ABHD6: variants seen among roughly 807,000 people sequenced by gnomAD.
ABHD6 encodes monoacylglycerol lipase ABHD6.
ABHD6 carries 33 observed loss-of-function variants against 38.8 expected under a neutral mutation model. That is an observed-to-expected ratio of 0.85 (90% CI 0.64 to 1.14). The LOEUF (loss-of-function observed/expected upper bound fraction) is 1.14, where lower values mean the gene tolerates loss of function less well. Ranked by LOEUF, ABHD6 falls within the 50% of genes most tolerant of loss-of-function variation. The probability of loss-of-function intolerance (pLI) is 0.00; values close to 1 mark genes in which losing one functional copy is unlikely to be tolerated. For missense variants in ABHD6, 380 were observed against 422.6 expected, an observed-to-expected ratio of 0.90 and a Z score of 0.88; for synonymous variants, 147 against 161.6, an observed-to-expected ratio of 0.91 and a Z score of 0.69.
chr3:58,239,582 C>T (rs1444139229), intron 1 of ABHD6, among the ~76,000 whole-genome samples: 2 of 152,106 alleles, frequency 1.3e-5, no homozygotes, highest in Admixed American at 6.5e-5. Context: ...TCCAAATTAT[C>T]CATTGTCTTT....
chr3:58,239,509 T>C (rs1463664074), intron 1 of ABHD6, among the ~76,000 whole-genome samples: 2 of 152,204 alleles, frequency 1.3e-5, no homozygotes, highest in African/African-American at 4.8e-5. Context: ...ACTTTCTCTA[T>C]TTTCATCTTT....
rs1177356504 is a variant in ABHD6 at position 58,266,108 on chromosome 3, C to T, written c.120-1081C>T. ...TTAAGCTAGCCAATGCTATTATGTT[C>T]TTTACGTTTTGAGTAGGCAATGCAG... On this transcript the variant is annotated intron_variant, in intron 3 of 9. Transcript: ENST00000478253. The surrounding 1 kb of genome is among the most constrained non-coding windows in gnomAD (Gnocchi z 4.0). Among the ~76,000 whole-genome samples, 2 of 152,174 alleles carry T rather than the reference C, an allele frequency of 1.3e-5. No homozygotes were observed. The highest frequency in any genetic ancestry group is 2.9e-5 in the Non-Finnish European group (2 of 68,022).
At chr3:58,274,093 G>C (rs1489359815) in intron 6 of ABHD6, among the ~76,000 whole-genome samples, 2 of 152,096 alleles carry the variant, frequency 1.3e-5, no homozygotes, top group Non-Finnish European at 2.9e-5. Context: ...AAGGCAGCAG[G>C]GTTGCTGCCC....
intron 7 of ABHD6, among the ~76,000 whole-genome samples, chr3:58,280,236 T>C (rs2097452102): frequency 6.6e-6 from 1 of 152,222 alleles, no homozygotes; most frequent in Non-Finnish European, 1.5e-5. Flanking sequence ...CAGTCAAACA[T>C]AGATTTGGTA....
rs1332472191 is a variant in ABHD6 at position 58,237,792 on chromosome 3, G to A, written c.-215G>A. The A allele has an allele frequency of 6.6e-6, 1 of 152,070 alleles. No homozygotes were observed. Among genetic ancestry groups the A allele is most frequent in the Non-Finnish European group, 1.5e-5 (1 of 67,986 alleles). 9.4% of individuals were successfully genotyped at this position (152,070 alleles called of 1,614,324 possible). A position where few individuals can be genotyped will look rare whatever the true frequency, so the allele number is the denominator to read the frequency against. ...CGCTGCGCCTTTAAGGAGTCCAGCT[G>A]GGCTGGGCGCCGGAGCTGGGAGCGG... On this transcript the variant is annotated 5_prime_UTR_variant, in exon 1 of 10. Coordinates refer to ENST00000478253, the MANE Select transcript of ABHD6 (RefSeq NM_001320126.2).
rs1357351304 is a variant in ABHD6 at position 58,287,095 on chromosome 3, A to G, written c.837+1642A>G. Among the ~76,000 whole-genome samples the G allele has an allele frequency of 6.6e-6, 1 of 151,022 alleles. No individual in the cohort carries two copies. The highest frequency in any genetic ancestry group is 6.6e-5 in the Admixed American group (1 of 15,116). On this transcript the variant is annotated intron_variant, in intron 9 of 9. Coordinates refer to ENST00000478253, the MANE Select transcript of ABHD6 (RefSeq NM_001320126.2). This position sits in a 1 kb window ranked among gnomAD's most constrained non-coding sequence, Gnocchi z 4.7. The stretch of plus-strand genomic sequence containing the variant: ...AGTTTGAGACCAACCTGGGCAGCAT[A>G]GTGAGATCCCATCTCTATAAAAAAT...
intron 6 of ABHD6, among the ~76,000 whole-genome samples, chr3:58,272,255 A>G (rs2097445571): frequency 6.6e-6 from 1 of 152,202 alleles, no homozygotes; most frequent in Admixed American, 6.5e-5. Flanking sequence ...ACGTTGAGGC[A>G]CAGAGAAATT....
chr3:58,249,205 C>T (rs1321023199), intron 1 of ABHD6, among the ~76,000 whole-genome samples: 2 of 152,194 alleles, frequency 1.3e-5, no homozygotes, highest in African/African-American at 4.8e-5. Context: ...GTTATGGCCT[C>T]TGGATGTTAG....
chr3:58,293,222 CT>C lies in ABHD6; in HGVS notation c.838-366del, dbSNP rs2097464571. The stretch of plus-strand genomic sequence containing the variant: ...TCCCACATCCGTGAATGCTCCTCCC[CT>C]GTCCCCTTTCTGCTCTCCCGGGACT... On this transcript the variant is annotated intron_variant, in intron 9 of 9. Coordinates refer to ENST00000478253, the MANE Select transcript of ABHD6 (RefSeq NM_001320126.2). This position sits in a 1 kb window ranked among gnomAD's most constrained non-coding sequence, Gnocchi z 4.4. Among the ~76,000 whole-genome samples, 1 of 152,190 alleles carries C rather than the reference CT, an allele frequency of 6.6e-6. No individual in the cohort carries two copies. The highest frequency in any genetic ancestry group is 2.1e-4 in the South Asian group (1 of 4,834).
intron 3 of ABHD6, among the ~76,000 whole-genome samples, chr3:58,262,539 A>T (rs1357836879): frequency 2.0e-5 from 3 of 152,206 alleles, no homozygotes; most frequent in African/African-American, 4.8e-5. Context: ...TTGTACTGAG[A>T]TTGTAAAAGA....
rs1553718601 is a variant in ABHD6 at position 58,256,096 on chromosome 3, C to CACACACAGAG, written c.-25-459_-25-458insGAGACACACA. On this transcript the variant is annotated intron_variant, in intron 2 of 9. Coordinates refer to ENST00000478253, the MANE Select transcript of ABHD6 (RefSeq NM_001320126.2). The surrounding 1 kb of genome is among the most constrained non-coding windows in gnomAD (Gnocchi z 4.3). ...CCACCAACACACACACACACACACA[C>CACACACAGAG]ACACACACACACATACACACACTAC... Among the ~76,000 whole-genome samples, 1 of 147,438 alleles carries CACACACAGAG rather than the reference C, an allele frequency of 6.8e-6. No homozygotes were observed. The highest frequency in any genetic ancestry group is 2.5e-5 in the African/African-American group (1 of 40,488).
intron 2 of ABHD6, among the ~76,000 whole-genome samples, chr3:58,255,580 C>T (rs2097432689): frequency 6.6e-6 from 1 of 152,016 alleles, no homozygotes; most frequent in African/African-American, 2.4e-5. Flanking sequence ...CCACCTTGGT[C>T]TCCCAAAGTG....
At chr3:58,246,586 G>A (rs1559770028) in intron 1 of ABHD6, among the ~76,000 whole-genome samples, 1 of 152,206 alleles carries the variant, frequency 6.6e-6, no homozygotes, top group Non-Finnish European at 1.5e-5. Flanking sequence ...AAAGCAGGGA[G>A]GGGACTGTGG....
intron 9 of ABHD6, among the ~76,000 whole-genome samples, chr3:58,289,460 C>T (rs1335151664): frequency 2.7e-5 from 4 of 149,572 alleles, no homozygotes; most frequent in Non-Finnish European, 5.9e-5. Flanking sequence ...TGCCTTCAGG[C>T]ATCTGTTTAA....
intron 9 of ABHD6, among the ~76,000 whole-genome samples, chr3:58,286,858 A>ATATATATG (rs2097457655): frequency 8.0e-6 from 1 of 125,430 alleles, no homozygotes; most frequent in African/African-American, 3.0e-5. Context: ...GTGTGTATAT[A>ATATATATG]TATATATATA....
At position 58,293,575 on chromosome 3, in the gene ABHD6, T is replaced by G; in HGVS notation, c.838-14T>G. 7 of 1,613,386 alleles carry G rather than the reference T, an allele frequency of 4.3e-6. No homozygotes were observed. Among genetic ancestry groups the G allele is most frequent in the Non-Finnish European group, 5.9e-6 (7 of 1,179,532 alleles). On this transcript the variant is annotated splice_polypyrimidine_tract_variant and intron_variant, in intron 9 of 9. Coordinates refer to ENST00000478253, the MANE Select transcript of ABHD6 (RefSeq NM_001320126.2). This position sits in a 1 kb window ranked among gnomAD's most constrained non-coding sequence, Gnocchi z 4.4. ...ATCTTTGTGTATCATCCAGCTCCCT[T>G]TCTTGCCCAGCAGGTGCTGGATGTG...
At chr3:58,247,484 C>T (rs2097427219) in intron 1 of ABHD6, among the ~76,000 whole-genome samples, 1 of 152,206 alleles carries the variant, frequency 6.6e-6, no homozygotes, top group South Asian at 2.1e-4. Context: ...TAATTTTAAG[C>T]AGCCACATGT....
At chr3:58,291,985 CA>C (rs2097463406) in intron 9 of ABHD6, among the ~76,000 whole-genome samples, 1 of 152,190 alleles carries the variant, frequency 6.6e-6, no homozygotes. Context: ...TGGGAGTTTC[CA>C]CTTTTTCATG....
Position 58,269,382 on chromosome 3 carries a change from G to T in ABHD6, c.338G>T (p.Arg113Leu), listed in dbSNP as rs200333190. ...VDMPGHEGTT[R>L]SSLDDLSIDG... The stretch of plus-strand genomic sequence containing the variant: ...ATGCCAGGACATGAGGGCACCACCC[G>T]CTCCTCCCTGGATGACCTGTCCATA... Residue 113 changes from arginine to leucine, a missense_variant, in exon 5 of 10, where the codon CGC becomes CTC. Coordinates refer to ENST00000478253, the MANE Select transcript of ABHD6 (RefSeq NM_001320126.2). This position sits in a 1 kb window ranked among gnomAD's most constrained non-coding sequence, Gnocchi z 4.4. 7 of 1,613,932 alleles carry T rather than the reference G, an allele frequency of 4.3e-6. No homozygotes were observed. The African/African-American group carries it at 9.3e-5, about 22-fold the overall frequency.
Sources: gnomAD v4.1 joint callset for allele counts (sites outside exome capture counted in the v4.1 genomes callset) on GRCh38, gnomAD v4.1.1 for gene constraint, Gnocchi (gnomAD v3.1) non-coding constraint, MANE v1.5 for transcripts, NCBI Gene and HGNC (gene_info 2026-07-23, HGNC 2026-07-21) for gene names.